KSR1: variants seen among roughly 807,000 people sequenced by gnomAD.
KSR1 encodes kinase suppressor of ras 1.
Under a neutral mutation model 92.9 loss-of-function variants are expected in KSR1, and 35 were observed. The ratio of observed to expected loss-of-function variants is 0.38; its 90% CI spans 0.29 to 0.50. The LOEUF is 0.50. KSR1 is among the 20% of genes least tolerant of loss of function. The pLI is 0.94. For missense variants in KSR1, 972 were observed against 1,158.5 expected (o/e 0.84, Z 2.34); for synonymous variants, 467 against 472.6 (o/e 0.99, Z 0.15).
At chr17:27,520,687 G>A (rs1284060614) in intron 1 of KSR1, among the ~76,000 whole-genome samples, 1 of 152,244 alleles carries the variant, frequency 6.6e-6, no homozygotes, top group Non-Finnish European at 1.5e-5. Context: ...CTGGCTCACA[G>A]GCAGGGAGGC....
At chr17:27,557,050 G>A (rs962552827) in intron 2 of KSR1, among the ~76,000 whole-genome samples, 9 of 152,188 alleles carry the variant, frequency 5.9e-5, no homozygotes, top group Admixed American at 3.9e-4. Context: ...CAGGTCTGTG[G>A]GGAAAGGGAC....
chr17:27,552,309 A>C (rs2071423684), intron 2 of KSR1, among the ~76,000 whole-genome samples: 1 of 152,190 alleles, frequency 6.6e-6, no homozygotes, highest in African/African-American at 2.4e-5. Flanking sequence ...GTTTGCCACA[A>C]AATCCCCATT....
chr17:27,559,489 C>A lies in KSR1; in HGVS notation c.372+8781C>A, dbSNP rs917102325. Among the ~76,000 whole-genome samples, 1 of 152,252 alleles carries A rather than the reference C, an allele frequency of 6.6e-6. No homozygotes were observed. Among genetic ancestry groups the A allele is most frequent in the Non-Finnish European group, 1.5e-5 (1 of 68,052 alleles). ...GGGGACACTTGAAATGTGTATAGTG[C>A]AGCTGAGAAACTGAAATTCGTGTTT... On this transcript the variant is annotated intron_variant, in intron 2 of 20. Transcript: ENST00000644974. This position sits in a 1 kb window ranked among gnomAD's most constrained non-coding sequence, Gnocchi z 4.2.
At chr17:27,555,720 A>G (rs892317983) in intron 2 of KSR1, among the ~76,000 whole-genome samples, 8 of 152,254 alleles carry the variant, frequency 5.3e-5, no homozygotes, top group African/African-American at 1.9e-4. Flanking sequence ...AAATACGTAT[A>G]ACGTAATTTA....
rs369526464 is a variant in KSR1 at position 27,590,834 on chromosome 17, C to T, written c.1070C>T (p.Ser357Leu). 4 of 1,611,444 alleles carry T rather than the reference C, an allele frequency of 2.5e-6. No individual in the cohort carries two copies. The highest frequency in any genetic ancestry group is 1.1e-5 in the South Asian group (1 of 90,158). Residue 357 changes from serine (S) to leucine (L), a missense_variant, in exon 7 of 21, where the codon TCG becomes TTG. Coordinates refer to ENST00000644974, the MANE Select transcript of KSR1 (RefSeq NM_001394583.1). ...AGGTTCTCCACCAAGTCCTGGCTGT[C>T]GCAGGTCTGCCACGTGTGCCAGAAG... ...THRFSTKSWL[S>L]QVCHVCQKSM...
intron 2 of KSR1, among the ~76,000 whole-genome samples, chr17:27,564,757 C>A (rs1049659288): frequency 1.4e-5 from 2 of 145,812 alleles, no homozygotes; most frequent in East Asian, 4.2e-4. Flanking sequence ...CCACCTCCCC[C>A]ACCCACAGTA....
intron 18 of KSR1, among the ~76,000 whole-genome samples, chr17:27,615,462 G>T (rs916393756): frequency 2.6e-5 from 4 of 152,234 alleles, no homozygotes; most frequent in African/African-American, 9.6e-5. Context: ...TTCTTGTGCA[G>T]TTTAGGTTTT....
At chr17:27,508,322 G>A (rs1277316549) in intron 1 of KSR1, among the ~76,000 whole-genome samples, 1 of 152,184 alleles carries the variant, frequency 6.6e-6, no homozygotes, top group Non-Finnish European at 1.5e-5. Context: ...ATCATTGACT[G>A]GGTGCCTATG....
chr17:27,595,395 C>CT (rs940830629), intron 9 of KSR1, among the ~76,000 whole-genome samples: 1 of 152,244 alleles, frequency 6.6e-6, no homozygotes, highest in Non-Finnish European at 1.5e-5. Flanking sequence ...ACACTCCCAC[C>CT]TTTGTGATGC....
At chr17:27,554,421 G>A (rs2071515893) in intron 2 of KSR1, among the ~76,000 whole-genome samples, 1 of 152,228 alleles carries the variant, frequency 6.6e-6, no homozygotes, top group Non-Finnish European at 1.5e-5. Flanking sequence ...GTTTACAGTT[G>A]CTCCCCATTG....
chr17:27,565,179 A>G (rs1232558082), intron 2 of KSR1, among the ~76,000 whole-genome samples: 1 of 152,202 alleles, frequency 6.6e-6, no homozygotes, highest in Non-Finnish European at 1.5e-5. Flanking sequence ...TTACTACTCA[A>G]AGGAAACACT....
chr17:27,534,882 A>G (rs1452350541), intron 1 of KSR1, among the ~76,000 whole-genome samples: 1 of 152,188 alleles, frequency 6.6e-6, no homozygotes, highest in Non-Finnish European at 1.5e-5. Context: ...TATGTCCCCT[A>G]CATCCCATAT....
chr17:27,621,857 G>A, intron 20 of KSR1: 2 of 1,524,656 alleles, frequency 1.3e-6, no homozygotes, highest in Non-Finnish European at 1.8e-6. Flanking sequence ...CAGACCTCTA[G>A]CTCCCGACAG....
At chr17:27,561,176 G>A (rs1343457093) in intron 2 of KSR1, among the ~76,000 whole-genome samples, 2 of 152,198 alleles carry the variant, frequency 1.3e-5, no homozygotes, top group Non-Finnish European at 2.9e-5. Flanking sequence ...ATGGCAGGAT[G>A]AAGATTCAAA....
Position 27,605,661 on chromosome 17 carries a change from G to A in KSR1, c.1842G>A (p.Val614=). The A allele has an allele frequency of 6.2e-7, 1 of 1,612,328 alleles. No individual in the cohort carries two copies. Among genetic ancestry groups the A allele is most frequent in the Non-Finnish European group, 8.5e-7 (1 of 1,179,726 alleles). ...RVHRGRWHGE[V]AIRLLEMDGH... ...ACCGCGGCCGCTGGCATGGCGAGGT[G>A]GCCATTCGCCTGCTGGAGATGGACG... is the stretch of plus-strand genomic sequence containing the variant. Residue 614 remains valine, a synonymous_variant, in exon 14 of 21, where the codon GTG becomes GTA. Coordinates refer to ENST00000644974, the MANE Select transcript of KSR1 (RefSeq NM_001394583.1).
chr17:27,526,094 T>TTCTCTCTC (rs59170484), intron 1 of KSR1, among the ~76,000 whole-genome samples: 2,274 of 118,414 alleles, frequency 0.019, 63 homozygotes, highest in Middle Eastern at 0.043. Context: ...CTTTCTTTCT[T>TTCTCTCTC]TCTCTCTCTC....
At chr17:27,622,030 C>A in intron 20 of KSR1, 1 of 1,161,338 alleles carries the variant, frequency 8.6e-7, no homozygotes, top group Non-Finnish European at 1.3e-6. Flanking sequence ...GATGCGGGCA[C>A]TAACCCAGGG....
At chr17:27,600,355 G>A (rs543269985) in intron 10 of KSR1, among the ~76,000 whole-genome samples, 25 of 152,064 alleles carry the variant, frequency 1.6e-4, no homozygotes, top group African/African-American at 4.8e-4. Flanking sequence ...CAGGAGAATC[G>A]CTTGAACCCA....
chr17:27,605,485 G>A lies in KSR1; in HGVS notation c.1666G>A (p.Val556Met), dbSNP rs1016107242. ...AGAGGCAGAAGACGATGAGGACGAG[G>A]TGGACGACTTGCCGAGCTCTCGCCG... ...KSEAEDDEDEVDDLPSSRRPW... is the reference protein window; with the variant it reads ...KSEAEDDEDEMDDLPSSRRPW... The change falls in exon 14 of 21, where the codon GTG becomes ATG. Residue 556 changes from valine to methionine, a missense_variant. Coordinates refer to ENST00000644974, the MANE Select transcript of KSR1 (RefSeq NM_001394583.1). 6.2e-7 allele frequency: 1 copy of A among 1,608,354 alleles called. No individual in the cohort carries two copies. The highest frequency in any genetic ancestry group is 8.5e-7 in the Non-Finnish European group (1 of 1,178,206).
Sources: gnomAD v4.1 joint callset for allele counts (sites outside exome capture counted in the v4.1 genomes callset) on GRCh38, gnomAD v4.1.1 for gene constraint, Gnocchi (gnomAD v3.1) non-coding constraint, MANE v1.5 for transcripts, NCBI Gene and HGNC (gene_info 2026-07-23, HGNC 2026-07-21) for gene names.